ADGRB3: variants seen among roughly 807,000 people sequenced by gnomAD.
The protein encoded by ADGRB3 is adhesion G protein-coupled receptor B3.
A neutral mutation model predicts 193.4 loss-of-function variants in ADGRB3; 37 were observed. That is an observed-to-expected ratio of 0.19 (90% CI 0.15 to 0.25). The LOEUF is 0.25. ADGRB3 is among the 10% of genes least tolerant of loss of function. The probability of loss-of-function intolerance (pLI) is 1.00; values close to 1 mark genes in which losing one functional copy is unlikely to be tolerated. For missense variants in ADGRB3, 1,637 were observed against 1,852.9 expected, an observed-to-expected ratio of 0.88 and a Z score of 2.14; for synonymous variants, 690 against 644.2, an observed-to-expected ratio of 1.07 and a Z score of -1.08.
chr6:69,009,283 G>T (rs900129101), intron 11 of ADGRB3, among the ~76,000 whole-genome samples: 3 of 152,028 alleles, frequency 2.0e-5, no homozygotes, highest in Admixed American at 6.6e-5. Flanking sequence ...ACGAGAAAAA[G>T]AAAATATCAG....
intron 17 of ADGRB3, among the ~76,000 whole-genome samples, chr6:69,227,466 G>T (rs1041632333): frequency 6.6e-6 from 1 of 152,160 alleles, no homozygotes; most frequent in Non-Finnish European, 1.5e-5. Context: ...TTTTATTGAA[G>T]TTAAACTTGA....
intron 17 of ADGRB3, among the ~76,000 whole-genome samples, chr6:69,206,902 C>T (rs1175916640): frequency 6.6e-6 from 1 of 152,168 alleles, no homozygotes; most frequent in Non-Finnish European, 1.5e-5. Flanking sequence ...GGGTCTGGGT[C>T]ATTTGTAGTC....
chr6:68,897,155 A>C lies in ADGRB3; in HGVS notation c.758-33404A>C, dbSNP rs1766240260. ...GCAGAAAGGAGAAGGGATGAAGATA[A>C]TTTTATTGTGAAACAACACTTCAGG... On this transcript the variant is annotated intron_variant, in intron 3 of 31. Transcript: ENST00000370598. Among the ~76,000 whole-genome samples the C allele has an allele frequency of 2.0e-5, 3 of 151,966 alleles. No individual in the cohort carries two copies. In the South Asian group the frequency reaches 6.2e-4, roughly 31 times the overall value.
At chr6:68,693,443 G>A (rs925834057) in intron 3 of ADGRB3, among the ~76,000 whole-genome samples, 1 of 151,934 alleles carries the variant, frequency 6.6e-6, no homozygotes, top group Non-Finnish European at 1.5e-5. Context: ...AAAAAGAAAG[G>A]TGGTTAGTGG....
intron 17 of ADGRB3, among the ~76,000 whole-genome samples, chr6:69,157,852 T>C (rs1175336443): frequency 2.0e-5 from 3 of 152,168 alleles, no homozygotes; most frequent in African/African-American, 7.2e-5. Context: ...AATAACAGTA[T>C]GCAGAATGAC....
intron 4 of ADGRB3, among the ~76,000 whole-genome samples, chr6:68,934,974 A>G (rs940015430): frequency 1.3e-5 from 2 of 152,236 alleles, no homozygotes; most frequent in South Asian, 4.1e-4. Flanking sequence ...AAGCAGTCCC[A>G]TTTGATGTAA....
intron 3 of ADGRB3, among the ~76,000 whole-genome samples, chr6:68,716,849 C>T (rs1012326828): frequency 6.6e-6 from 1 of 151,606 alleles, no homozygotes; most frequent in Admixed American, 6.6e-5. Context: ...CTCCTGTTCC[C>T]TAGAGATAAG....
chr6:68,839,301 A>G (rs1186724125), intron 3 of ADGRB3, among the ~76,000 whole-genome samples: 3 of 152,216 alleles, frequency 2.0e-5, no homozygotes, highest in Non-Finnish European at 4.4e-5. Flanking sequence ...CCTCTGCTCC[A>G]GTGTTGTAAT....
chr6:68,771,709 G>T (rs1220691364), intron 3 of ADGRB3, among the ~76,000 whole-genome samples: 2 of 152,082 alleles, frequency 1.3e-5, no homozygotes, highest in Non-Finnish European at 2.9e-5. Context: ...ATGTCATGAA[G>T]AAAAATATAG....
At chr6:68,900,025 AT>A (rs1373038660) in intron 3 of ADGRB3, among the ~76,000 whole-genome samples, 1 of 152,062 alleles carries the variant, frequency 6.6e-6, no homozygotes, top group Non-Finnish European at 1.5e-5. Flanking sequence ...TAATCAATAA[AT>A]TTTTTTAATG....
intron 26 of ADGRB3, among the ~76,000 whole-genome samples, chr6:69,340,355 G>C (rs1768948482): frequency 6.6e-6 from 1 of 152,140 alleles, no homozygotes; most frequent in Admixed American, 6.6e-5. Context: ...AGGTTTATGA[G>C]TCATTTTAGC....
chr6:69,238,227 A>G (rs545749833), intron 19 of ADGRB3, among the ~76,000 whole-genome samples: 6 of 152,212 alleles, frequency 3.9e-5, no homozygotes, highest in African/African-American at 1.2e-4. Flanking sequence ...ATTCCACGTT[A>G]TAATACAAAT....
intron 6 of ADGRB3, among the ~76,000 whole-genome samples, chr6:68,948,840 T>C (rs1337279228): frequency 6.6e-6 from 1 of 152,112 alleles, no homozygotes; most frequent in Non-Finnish European, 1.5e-5. Flanking sequence ...TACTGACATA[T>C]ATATATAAAT....
intron 3 of ADGRB3, among the ~76,000 whole-genome samples, chr6:68,839,109 C>CAT (rs1554203287): frequency 0.096 from 12,896 of 135,018 alleles, 2,330 homozygotes; most frequent in African/African-American, 0.3. Context: ...CACACACACA[C>CAT]ATTCCCACAT....
chr6:68,823,137 T>C (rs1309766541), intron 3 of ADGRB3, among the ~76,000 whole-genome samples: 1 of 151,972 alleles, frequency 6.6e-6, no homozygotes, highest in Non-Finnish European at 1.5e-5. Flanking sequence ...ACTAATAATG[T>C]TAATTGAAAG....
At chr6:68,710,589 C>T (rs1765393099) in intron 3 of ADGRB3, among the ~76,000 whole-genome samples, 1 of 152,148 alleles carries the variant, frequency 6.6e-6, no homozygotes, top group Non-Finnish European at 1.5e-5. Flanking sequence ...CTTCTCTCCT[C>T]CTGACACAAT....
chr6:69,139,552 T>A (rs1318160058), intron 17 of ADGRB3, among the ~76,000 whole-genome samples: 1 of 152,226 alleles, frequency 6.6e-6, no homozygotes, highest in Non-Finnish European at 1.5e-5. Flanking sequence ...ATACATAAAC[T>A]TATATATAGA....
chr6:69,109,595 A>G (rs1228703550), intron 17 of ADGRB3, among the ~76,000 whole-genome samples: 1 of 152,182 alleles, frequency 6.6e-6, no homozygotes. Flanking sequence ...TTAGCTTTAT[A>G]GGAGTTAAGG....
intron 3 of ADGRB3, among the ~76,000 whole-genome samples, chr6:68,817,846 A>G (rs926033465): frequency 2.0e-5 from 3 of 152,002 alleles, no homozygotes; most frequent in Admixed American, 6.6e-5. Flanking sequence ...AAAATTAATG[A>G]TCTCTTTTCA....
Sources: allele counts gnomAD v4.1 joint callset (sites outside exome capture counted in the v4.1 genomes callset), GRCh38; gene constraint gnomAD v4.1.1; transcripts MANE v1.5; gene names NCBI Gene and HGNC (gene_info 2026-07-23, HGNC 2026-07-21).